Variants in AVEN observed in about 807,000 individuals in gnomAD.
AVEN encodes the protein cell death regulator Aven.
A neutral mutation model predicts 38.1 loss-of-function variants in AVEN; 41 were observed. The observed-to-expected ratio is 1.08, with a 90% CI of 0.84 to 1.40. The LOEUF is 1.40. Ranked by LOEUF, AVEN falls within the 40% of genes most tolerant of loss-of-function variation. The pLI is 0.00. For synonymous variants in AVEN, 206 were observed against 171.8 expected, an observed-to-expected ratio of 1.20 and a Z score of -1.56; for missense variants, 605 against 438.8, an observed-to-expected ratio of 1.38 and a Z score of -3.38.
the AVEN span, chr15:33,853,438 C>A: frequency 7.7e-7 from 1 of 1,290,810 alleles, no homozygotes; most frequent in Non-Finnish European, 1.0e-6. Flanking sequence ...TGAACTATGT[C>A]TTCATCTACC....
chr15:33,950,952 G>A (rs2684922), intron 2 of AVEN, among the ~76,000 whole-genome samples: 98,674 of 151,918 alleles, frequency 0.65, 36,337 homozygotes, highest in Non-Finnish European at 0.82. Flanking sequence ...AGGCTGCAGT[G>A]AGCTATGATT....
At chr15:33,882,116 C>A (rs565065116) in intron 2 of AVEN, among the ~76,000 whole-genome samples, 39 of 152,288 alleles carry the variant, frequency 2.6e-4, no homozygotes, top group African/African-American at 9.4e-4. Context: ...TGTAGAACGG[C>A]CTTGTTGTGT....
At chr15:33,868,568 A>AT (rs1890800925) in intron 4 of AVEN, among the ~76,000 whole-genome samples, 1 of 148,016 alleles carries the variant, frequency 6.8e-6, no homozygotes, top group Non-Finnish European at 1.5e-5. Flanking sequence ...AAAAAAAAAA[A>AT]GTCACCAGGA....
intron 5 of AVEN, among the ~76,000 whole-genome samples, chr15:34,044,979 C>T (rs1899632359): frequency 6.6e-6 from 1 of 152,030 alleles, no homozygotes; most frequent in East Asian, 1.9e-4. Flanking sequence ...ACCTGGGAGG[C>T]GGAGCTTGCA....
chr15:34,042,158 C>A (rs866140358), upstream of AVEN, among the ~76,000 whole-genome samples: 2 of 152,178 alleles, frequency 1.3e-5, no homozygotes, highest in African/African-American at 2.4e-5. Flanking sequence ...GCATTTTGAG[C>A]AACCAGAGAC....
chr15:33,909,078 C>T (rs1396414734), intron 2 of AVEN, among the ~76,000 whole-genome samples: 1 of 152,200 alleles, frequency 6.6e-6, no homozygotes, highest in Admixed American at 6.5e-5. Flanking sequence ...TCAAACATCT[C>T]CCCAAGTACA....
intron 3 of AVEN, among the ~76,000 whole-genome samples, chr15:33,871,870 T>C (rs372489541): frequency 2.6e-5 from 4 of 151,936 alleles, no homozygotes; most frequent in East Asian, 1.9e-4. Context: ...GCCTTAGATA[T>C]AAAGTTAGCT....
At chr15:34,033,873 C>T (rs745992125) in intron 1 of AVEN, among the ~76,000 whole-genome samples, 8 of 152,120 alleles carry the variant, frequency 5.3e-5, no homozygotes, top group Non-Finnish European at 7.4e-5. Flanking sequence ...CTGCAACCTC[C>T]GCCTCCCAAG....
At chr15:33,991,390 G>C (rs1315226177) in intron 2 of AVEN, 1 of 152,072 alleles carries the variant, frequency 6.6e-6, no homozygotes, top group Non-Finnish European at 1.5e-5. Context: ...AAATGCTTGA[G>C]AGGATGGATA....
At chr15:34,070,894 A>G (rs79820038) in intron 1 of AVEN, among the ~76,000 whole-genome samples, 2 of 152,332 alleles carry the variant, frequency 1.3e-5, no homozygotes, top group Non-Finnish European at 2.9e-5. Flanking sequence ...GACGGGAGTT[A>G]AAACCTTAAA....
At chr15:33,954,819 G>C (rs1450320603) in intron 2 of AVEN, among the ~76,000 whole-genome samples, 1 of 152,104 alleles carries the variant, frequency 6.6e-6, no homozygotes, top group Middle Eastern at 3.2e-3. Context: ...TTTTCAATCT[G>C]CATCTAGTCC....
chr15:33,865,588 A>C (rs1890230283), downstream of AVEN: 1 of 194,056 alleles, frequency 5.2e-6, no homozygotes, highest in African/African-American at 2.3e-5. Flanking sequence ...CTGAAAATTT[A>C]AACACTTGAA....
At chr15:33,922,899 TTCAA>T (rs1241830079) in intron 2 of AVEN, among the ~76,000 whole-genome samples, 1 of 152,204 alleles carries the variant, frequency 6.6e-6, no homozygotes, top group Non-Finnish European at 1.5e-5. Context: ...CTGTAAAAAG[TTCAA>T]TCAAAGTTTT....
At chr15:34,069,582 A>G (rs1345986966) in intron 2 of AVEN, among the ~76,000 whole-genome samples, 1 of 152,240 alleles carries the variant, frequency 6.6e-6, no homozygotes, top group Non-Finnish European at 1.5e-5. Context: ...GCATCACATC[A>G]GGAGGCATAT....
intron 2 of AVEN, among the ~76,000 whole-genome samples, chr15:33,961,812 CAAAAAAAAAAAAAAAA>C (rs138076873): frequency 1.4e-5 from 1 of 71,966 alleles, no homozygotes; most frequent in African/African-American, 5.8e-5. Flanking sequence ...GACTCTGTCT[CAAAAAAAAAAAAAAAA>C]AAAAAAAAAA....
chr15:33,937,194 A>G (rs191331366), intron 2 of AVEN, among the ~76,000 whole-genome samples: 1 of 150,860 alleles, frequency 6.6e-6, no homozygotes, highest in Non-Finnish European at 1.5e-5. Flanking sequence ...TGGGAAAAAG[A>G]CAGCTGATTC....
chr15:33,960,353 C>CT, intron 2 of AVEN, among the ~76,000 whole-genome samples: 1 of 152,248 alleles, frequency 6.6e-6, no homozygotes, highest in East Asian at 1.9e-4. Context: ...AGCAAATGCA[C>CT]TACCACAATC....
chr15:33,860,756 G>A, intron 11 of AVEN: 2 of 939,226 alleles, frequency 2.1e-6, no homozygotes, highest in South Asian at 1.7e-5. Flanking sequence ...CTTAGGGCCA[G>A]TACTAAGCAA....
chr15:34,058,186 C>T (rs950497080), intron 5 of AVEN, among the ~76,000 whole-genome samples: 3 of 152,190 alleles, frequency 2.0e-5, no homozygotes, highest in Non-Finnish European at 4.4e-5. Context: ...ATCTTCTTTA[C>T]TTAAATTCTA....
Sources: gnomAD v4.1 joint callset for allele counts (sites outside exome capture counted in the v4.1 genomes callset) on GRCh38, gnomAD v4.1.1 for gene constraint, MANE v1.5 for transcripts, NCBI Gene and HGNC (gene_info 2026-07-23, HGNC 2026-07-21) for gene names.